The following LARGE1 variants were observed in gnomAD, a reference collection of about 807,000 sequenced individuals.
The protein encoded by LARGE1 is xylosyl- and glucuronyltransferase LARGE1.
LARGE1 carries 43 observed loss-of-function variants against 87.6 expected under a neutral mutation model. That is an observed-to-expected ratio of 0.49 (90% CI 0.38 to 0.63). The LOEUF (loss-of-function observed/expected upper bound fraction) is 0.63. LARGE1 is among the 30% of genes least tolerant of loss of function. The pLI is 0.00. For missense variants in LARGE1, 802 were observed against 1,000.2 expected (o/e 0.80, Z 2.67); for synonymous variants, 434 against 394.6 (o/e 1.10, Z -1.18).
chr22:33,205,589 C>T lies in LARGE1; in HGVS notation c.1731-38757G>A, dbSNP rs1351806936. Reference sequence around the variant, plus strand: ...TTGTAGCCAGCAGAATTCAGTTTCACTAAAGGAGAATTTATTAAGCAGGAT... The same window carrying T: ...TTGTAGCCAGCAGAATTCAGTTTCATTAAAGGAGAATTTATTAAGCAGGAT... On this transcript the variant is annotated intron_variant, in intron 11 of 11. Transcript: ENST00000608642. Among the ~76,000 whole-genome samples, 3 of 152,266 alleles carry T rather than the reference C, an allele frequency of 2.0e-5. No individual in the cohort carries two copies. In the East Asian group the frequency reaches 5.8e-4, roughly 29 times the overall value.
chr22:33,563,221 A>G (rs895429678), intron 6 of LARGE1: 3 of 152,194 alleles, frequency 2.0e-5, no homozygotes, highest in African/African-American at 7.2e-5. Context: ...TTTATTCCCA[A>G]AGGAAAATGT....
intron 2 of LARGE1, among the ~76,000 whole-genome samples, chr22:33,659,179 A>G (rs2081054038): frequency 6.6e-6 from 1 of 152,210 alleles, no homozygotes; most frequent in African/African-American, 2.4e-5. Context: ...GACCAATCAC[A>G]GGTCACCTTA....
chr22:33,502,008 C>T (rs184641078), intron 6 of LARGE1, among the ~76,000 whole-genome samples: 13 of 152,122 alleles, frequency 8.5e-5, no homozygotes, highest in Admixed American at 2.6e-4. Flanking sequence ...GCCTGGTCAA[C>T]GTGGTGAAAC....
exon 12 of LARGE1, chr22:33,163,192 T>A (rs1260240373): frequency 6.6e-6 from 1 of 152,238 alleles, no homozygotes; most frequent in African/African-American, 2.4e-5. Flanking sequence ...GCAGCCCTCA[T>A]TGTCCCCATG....
intron 3 of LARGE1, among the ~76,000 whole-genome samples, chr22:33,648,494 C>A (rs2080689737): frequency 6.6e-6 from 1 of 152,144 alleles, no homozygotes; most frequent in South Asian, 2.1e-4. Context: ...AGTTCCCATC[C>A]AAACTAACCC....
Position 33,703,683 on chromosome 22 carries a change from G to A in LARGE1, c.107-53015C>T, listed in dbSNP as rs189492253. ...AGGATGGGACCACAAGCCAAGGGATGCAGGTGGCTGCTAGAAGCTGAAAAG... is the reference window on the plus strand; with the variant it reads ...AGGATGGGACCACAAGCCAAGGGATACAGGTGGCTGCTAGAAGCTGAAAAG... On this transcript the variant is annotated intron_variant, in intron 2 of 14. Coordinates refer to ENST00000397394, the MANE Select transcript of LARGE1 (RefSeq NM_133642.5). Among the ~76,000 whole-genome samples, 360 of 152,348 alleles carry A rather than the reference G, an allele frequency of 2.4e-3. 1 individual carries two copies. The highest frequency in any genetic ancestry group is 7.9e-3 in the African/African-American group (330 of 41,584).
the LARGE1 span, among the ~76,000 whole-genome samples, chr22:33,089,321 T>TTCTTC: frequency 1.8e-4 from 16 of 87,084 alleles, 1 homozygote; most frequent in South Asian, 1.8e-3. Flanking sequence ...TTCTTTCTTC[T>TTCTTC]TTCTTCTTCT....
At chr22:33,499,041 C>G (rs143441660) in intron 6 of LARGE1, among the ~76,000 whole-genome samples, 50 of 151,946 alleles carry the variant, frequency 3.3e-4, no homozygotes, top group African/African-American at 1.2e-3. Context: ...AAAACAGAGA[C>G]TCTTGTGGCT....
At chr22:33,089,455 CTCCTCTTCCTCTTCT>C in the LARGE1 span, among the ~76,000 whole-genome samples, 1 of 94,910 alleles carries the variant, frequency 1.1e-5, no homozygotes, top group African/African-American at 5.9e-5. Flanking sequence ...CTTCTTCTTC[CTCCTCTTCCTCTTCT>C]TCTTCCTCTT....
At chr22:33,433,682 C>T (rs577168661) in intron 6 of LARGE1, among the ~76,000 whole-genome samples, 13 of 151,226 alleles carry the variant, frequency 8.6e-5, no homozygotes, top group African/African-American at 2.7e-4. Flanking sequence ...AAGTCACACA[C>T]CTAACAATGA....
At chr22:33,551,098 T>G (rs553175285) in intron 6 of LARGE1, among the ~76,000 whole-genome samples, 1 of 152,316 alleles carries the variant, frequency 6.6e-6, no homozygotes, top group South Asian at 2.1e-4. Context: ...GTGTATAATG[T>G]GCATTATTCG....
At chr22:33,805,950 T>G (rs1484673777) in intron 1 of LARGE1, among the ~76,000 whole-genome samples, 4 of 152,182 alleles carry the variant, frequency 2.6e-5, no homozygotes, top group Admixed American at 2.6e-4. Context: ...GACATTCACA[T>G]AAAATAAAAT....
At chr22:33,799,828 T>C (rs958563110) in intron 1 of LARGE1, among the ~76,000 whole-genome samples, 5 of 152,082 alleles carry the variant, frequency 3.3e-5, no homozygotes, top group African/African-American at 9.7e-5. Context: ...TATGGGGACA[T>C]AGTTGGTTCA....
rs1215256490 is a variant in LARGE1, at chr22:33,556,522, GGGAGGGAGGGAGGGAA to G, written c.787+8310_787+8325del. On this transcript the variant is annotated intron_variant, in intron 6 of 14. Transcript: ENST00000397394. ...GGCAAGGAAAGAAGGAAGGAAGGGA[GGGAGGGAGGGAGGGAA>G]GGAGGGAGGGAGGGAGGGAGGGAGG... Among the ~76,000 whole-genome samples, 218 of 75,986 alleles carry G rather than the reference GGGAGGGAGGGAGGGAA, an allele frequency of 2.9e-3. 1 individual carries two copies. The highest frequency in any genetic ancestry group is 0.012 in the South Asian group (28 of 2,374). The allele number at this position is 75,986 out of a possible 152,430, so 49.8% of individuals were successfully genotyped here.
intron 1 of LARGE1, among the ~76,000 whole-genome samples, chr22:33,823,917 T>G (rs573386426): frequency 6.6e-6 from 1 of 152,196 alleles, no homozygotes; most frequent in South Asian, 2.1e-4. Flanking sequence ...GATGGTTCAT[T>G]CCTCATTTGC....
intron 9 of LARGE1, among the ~76,000 whole-genome samples, chr22:33,368,520 CA>C (rs2064679836): frequency 9.7e-6 from 1 of 102,620 alleles, no homozygotes; most frequent in African/African-American, 3.1e-5. Flanking sequence ...GGCAACAGAG[CA>C]AGACTCTTTC....
At chr22:33,586,590 T>A (rs964287801) in intron 5 of LARGE1, among the ~76,000 whole-genome samples, 22 of 152,178 alleles carry the variant, frequency 1.4e-4, no homozygotes, top group Non-Finnish European at 2.9e-4. Context: ...CCCAAGTAGC[T>A]GGGACTACAG....
chr22:33,366,631 T>C (rs2064602487), intron 9 of LARGE1, among the ~76,000 whole-genome samples: 1 of 152,226 alleles, frequency 6.6e-6, no homozygotes, highest in African/African-American at 2.4e-5. Context: ...TGAGTGAGAC[T>C]GGCTTGCAAT....
intron 12 of LARGE1, among the ~76,000 whole-genome samples, chr22:33,285,694 C>T (rs968647396): frequency 6.6e-6 from 1 of 152,142 alleles, no homozygotes; most frequent in African/African-American, 2.4e-5. Context: ...CTTCACTCAA[C>T]CAGACGTTGA....
Sources: allele counts gnomAD v4.1 joint callset (sites outside exome capture counted in the v4.1 genomes callset), GRCh38; gene constraint gnomAD v4.1.1; transcripts MANE v1.5; gene names NCBI Gene and HGNC (gene_info 2026-07-23, HGNC 2026-07-21).